PTPN5: variants seen among roughly 807,000 people sequenced by gnomAD.
PTPN5 encodes protein tyrosine phosphatase non-receptor type 5.
PTPN5 carries 29 observed loss-of-function variants against 73.9 expected under a neutral mutation model. That is an observed-to-expected ratio of 0.39 (90% confidence interval 0.29 to 0.54). The LOEUF (loss-of-function observed/expected upper bound fraction) is 0.54, where lower values mean the gene tolerates loss of function less well. Among genes scored for constraint, PTPN5 ranks in the 20% least tolerant of loss-of-function variants. The pLI, the probability that PTPN5 is intolerant of heterozygous loss-of-function variation, is 0.65. For synonymous variants in PTPN5, 267 were observed against 304.7 expected (o/e 0.88, Z 1.29); for missense variants, 652 against 751.4 (o/e 0.87, Z 1.55).
rs543056166 is a variant in PTPN5, at chr11:18,787,918, C to T, written c.-114+3607G>A. On this transcript the variant is annotated intron_variant, in intron 1 of 14. Transcript: ENST00000358540. ...TTCAGAGAATAAATGAATGAATGAA[C>T]TGGTTCTTGATAGTTTAGGGTGCTT... Among the ~76,000 whole-genome samples the T allele has an allele frequency of 6.1e-4, 93 of 152,294 alleles. No homozygotes were observed. The South Asian group carries it at 0.017, about 28-fold the overall frequency.
intron 1 of PTPN5, among the ~76,000 whole-genome samples, chr11:18,791,212 C>T (rs2134389227): frequency 6.6e-6 from 1 of 152,368 alleles, no homozygotes; most frequent in South Asian, 2.1e-4. Flanking sequence ...GCGCACCAGC[C>T]TCCGCCGGCC....
rs71443715 is a variant in PTPN5 at position 18,756,920 on chromosome 11, TC to T, written c.97+8886del. ...GCCTGAGTGACAGAGCAAGACTCCA[TC>T]AAAAAAAAAAAAAAACCAAAAAACA... On this transcript the variant is annotated intron_variant, in intron 3 of 14. Transcript: ENST00000358540. Among the ~76,000 whole-genome samples the T allele has an allele frequency of 6.3e-3, 694 of 110,146 alleles. 4 individuals carry two copies. The highest frequency in any genetic ancestry group is 0.013 in the Admixed American group (156 of 12,410). 72.3% of individuals were successfully genotyped at this position (110,146 alleles called of 152,430 possible).
intron 7 of PTPN5, among the ~76,000 whole-genome samples, chr11:18,741,986 C>A (rs1849384496): frequency 6.6e-6 from 1 of 152,312 alleles, no homozygotes; most frequent in South Asian, 2.1e-4. Context: ...ACAAGTCCTG[C>A]AGCAAAGAAA....
intron 8 of PTPN5, among the ~76,000 whole-genome samples, chr11:18,739,856 A>G (rs1240797014): frequency 1.3e-5 from 2 of 152,174 alleles, no homozygotes; most frequent in Non-Finnish European, 2.9e-5. Flanking sequence ...TCCTGCCAGG[A>G]AAGAATTATA....
chr11:18,740,563 G>C lies in PTPN5; in HGVS notation c.915+40C>G, dbSNP rs775039428. The C allele has an allele frequency of 4.1e-6, 6 of 1,478,024 alleles. No homozygotes were observed. The African/African-American group carries it at 8.6e-5, about 21-fold the overall frequency. The allele number at this position is 1,478,024 out of a possible 1,614,324, so 91.6% of individuals were successfully genotyped here. ...CCTGGGCAGGTGGATGATTGACATG[G>C]GTCTGCACACAGTGGGGCGACCGGC... is the stretch of plus-strand genomic sequence containing the variant. On this transcript the variant is annotated intron_variant, in intron 8 of 14. Coordinates refer to ENST00000358540, the MANE Select transcript of PTPN5 (RefSeq NM_006906.2).
intron 2 of PTPN5, among the ~76,000 whole-genome samples, chr11:18,768,545 C>T (rs886125406): frequency 1.3e-5 from 2 of 152,246 alleles, no homozygotes; most frequent in African/African-American, 4.8e-5. Flanking sequence ...TGACTCACAC[C>T]TGCTTTCACA....
chr11:18,732,777 G>T, intron 11 of PTPN5, 75 bp from the exon 12 acceptor site: 3 of 1,260,672 alleles, frequency 2.4e-6, no homozygotes, highest in South Asian at 2.5e-5. Flanking sequence ...TTCAGGGCCA[G>T]CGGAGAGATA....
At chr11:18,768,199 G>C (rs764117669) in intron 2 of PTPN5, among the ~76,000 whole-genome samples, 3 of 152,248 alleles carry the variant, frequency 2.0e-5, no homozygotes, top group Admixed American at 6.5e-5. Context: ...CATCATCTGA[G>C]CTGCTTTGTG....
At position 18,743,398 on chromosome 11, in the gene PTPN5, T is replaced by C. The variant is rs759818043; in HGVS notation, c.323A>G (p.Tyr108Cys). Reference sequence around the variant, plus strand: ...GGCGTTCTGTGACCAGATGTGGCCATAACCGCTGAACCAGAGCACCCCACA... The same window carrying C: ...GGCGTTCTGTGACCAGATGTGGCCACAACCGCTGAACCAGAGCACCCCACA... Reference protein sequence around the residue: ...LACGVLWFSGYGHIWSQNATN... With the variant: ...LACGVLWFSGCGHIWSQNATN... Residue 108 changes from tyrosine to cysteine, a missense_variant, in exon 5 of 15, where the codon TAT becomes TGT. Around this residue, in one of 3 missense-constraint regions of PTPN5, gnomAD observed 529 missense variants for 573.9 expected, o/e 0.92. Transcript: ENST00000358540. 4.3e-6 allele frequency: 7 copies of C among 1,614,066 alleles called. No homozygotes were observed. The South Asian group carries it at 7.7e-5, about 18-fold the overall frequency.
intron 8 of PTPN5, among the ~76,000 whole-genome samples, chr11:18,739,763 G>A (rs532226136): frequency 2.0e-5 from 3 of 152,346 alleles, no homozygotes; most frequent in South Asian, 2.1e-4. Context: ...TCACAGAAGT[G>A]AGGAGTTACC....
chr11:18,773,239 G>C (rs905379184), intron 1 of PTPN5, among the ~76,000 whole-genome samples: 1 of 150,356 alleles, frequency 6.7e-6, no homozygotes, highest in African/African-American at 2.4e-5. Flanking sequence ...CAAAGGCCAA[G>C]TTCCTGGAGG....
intron 2 of PTPN5, among the ~76,000 whole-genome samples, chr11:18,767,112 T>C (rs999927894): frequency 4.6e-5 from 7 of 152,174 alleles, no homozygotes; most frequent in East Asian, 1.9e-4. Context: ...AAAAGAACCT[T>C]TGACATAGCC....
At chr11:18,746,162 A>AATATATATATATAT (rs773490900) in intron 3 of PTPN5, among the ~76,000 whole-genome samples, 746 of 67,524 alleles carry the variant, frequency 0.011, 13 homozygotes, top group Non-Finnish European at 0.016. Context: ...TATAAATATA[A>AATATATATATATAT]ATATATATAT....
chr11:18,729,433 A>C lies in PTPN5; in HGVS notation c.1604+20T>G. 11 of 1,203,472 alleles carry C rather than the reference A, an allele frequency of 9.1e-6. No individual in the cohort carries two copies. The highest frequency in any genetic ancestry group is 2.4e-4 in the Middle Eastern group (1 of 4,148). 74.5% of individuals were successfully genotyped at this position (1,203,472 alleles called of 1,614,324 possible). Reference sequence around the variant, plus strand: ...GGCTCTAGCTCCCTTGTGTGTCCCCACTCCCGCCCGTGGGCTGACCTGTCC... The same window carrying C: ...GGCTCTAGCTCCCTTGTGTGTCCCCCCTCCCGCCCGTGGGCTGACCTGTCC... On this transcript the variant is annotated intron_variant, in intron 14 of 14. Coordinates refer to ENST00000358540, the MANE Select transcript of PTPN5 (RefSeq NM_006906.2). This position sits in a 1 kb window ranked among gnomAD's most constrained non-coding sequence, Gnocchi z 5.2.
In PTPN5 at chr11:18,728,049, G is replaced by T. The variant is rs543420556; in HGVS notation, c.*885C>A. Reference sequence around the variant, plus strand: ...TATTTAAAGTCAGCAATAAAAACACGTGGCTCCAAGATAATACATGTTGCC... The same window carrying T: ...TATTTAAAGTCAGCAATAAAAACACTTGGCTCCAAGATAATACATGTTGCC... On this transcript the variant is annotated 3_prime_UTR_variant, in exon 15 of 15. Coordinates refer to ENST00000358540, the MANE Select transcript of PTPN5 (RefSeq NM_006906.2). This position sits in a 1 kb window ranked among gnomAD's most constrained non-coding sequence, Gnocchi z 4.1. 1 of 152,676 alleles carries T rather than the reference G, an allele frequency of 6.5e-6. No individual in the cohort carries two copies. The highest frequency in any genetic ancestry group is 2.4e-5 in the African/African-American group (1 of 41,460). 9.5% of individuals were successfully genotyped at this position (152,676 alleles called of 1,614,324 possible).
At chr11:18,769,554 C>G (rs923382724) in intron 2 of PTPN5, among the ~76,000 whole-genome samples, 2 of 152,154 alleles carry the variant, frequency 1.3e-5, no homozygotes, top group African/African-American at 4.8e-5. Flanking sequence ...AGGTGCCTGC[C>G]ACTATGCCCA....
At chr11:18,779,738 C>T (rs12801384) in intron 1 of PTPN5, among the ~76,000 whole-genome samples, 4,296 of 152,242 alleles carry the variant, frequency 0.028, 91 homozygotes, top group African/African-American at 0.059. Context: ...CCTCAAAGCA[C>T]GACAGACTGA....
At chr11:18,744,337 G>A (rs186516096) in intron 3 of PTPN5, 138 bp from the exon 4 acceptor site, 13 of 612,370 alleles carry the variant, frequency 2.1e-5, no homozygotes, top group East Asian at 6.8e-5. Context: ...AGTCACCCTC[G>A]ATTAGCAAAG....
chr11:18,735,851 A>G (rs896333239), intron 9 of PTPN5, among the ~76,000 whole-genome samples: 11 of 152,254 alleles, frequency 7.2e-5, no homozygotes, highest in African/African-American at 2.2e-4. Flanking sequence ...GAATGACACA[A>G]TTAGATTTGT....
Sources: gnomAD v4.1 joint callset for allele counts (sites outside exome capture counted in the v4.1 genomes callset) on GRCh38, gnomAD v4.1.1 for gene constraint, gnomAD v4.1.1 regional missense constraint, Gnocchi (gnomAD v3.1) non-coding constraint, MANE v1.5 for transcripts, NCBI Gene and HGNC (gene_info 2026-07-23, HGNC 2026-07-21) for gene names.